RBPMS: variants seen among roughly 807,000 people sequenced by gnomAD.
RBPMS encodes RNA-binding protein with multiple splicing.
A neutral mutation model predicts 26.8 loss-of-function variants in RBPMS; 7 were observed. That is an observed-to-expected ratio of 0.26 (90% confidence interval 0.15 to 0.49). The LOEUF (loss-of-function observed/expected upper bound fraction) is 0.49. Among genes scored for constraint, RBPMS ranks in the 20% least tolerant of loss-of-function variants. The pLI is 0.98. For synonymous variants in RBPMS, 96 were observed against 93.3 expected (o/e 1.03, Z -0.17); for missense variants, 186 against 250.0 (o/e 0.74, Z 1.73).
At chr8:30,481,787 G>T (rs1008900163) in intron 4 of RBPMS, among the ~76,000 whole-genome samples, 3 of 152,182 alleles carry the variant, frequency 2.0e-5, no homozygotes, top group African/African-American at 7.2e-5. Context: ...GCTCCTGGCT[G>T]ATCTCTTTCT....
At chr8:30,556,196 C>A (rs1826892669) in intron 6 of RBPMS, 1 of 985,448 alleles carries the variant, frequency 1.0e-6, no homozygotes, top group African/African-American at 1.7e-5. Flanking sequence ...CCACCACATC[C>A]ACTCTGAGGA....
chr8:30,562,342 A>G (rs1563456179), intron 7 of RBPMS, among the ~76,000 whole-genome samples: 1 of 151,718 alleles, frequency 6.6e-6, no homozygotes, highest in East Asian at 1.9e-4. Flanking sequence ...AAAAAAAAAA[A>G]AAGAGTATGT....
rs1458962719 is a variant in RBPMS at position 30,544,644 on chromosome 8, C to G, written c.528+20C>G. Reference sequence around the variant, plus strand: ...GCCCAGGTAATTGATACCCATCGGCCAGGACTTCACTCACTTCACCACCAG... The same window carrying G: ...GCCCAGGTAATTGATACCCATCGGCGAGGACTTCACTCACTTCACCACCAG... On this transcript the variant is annotated intron_variant, in intron 6 of 8. Transcript: ENST00000397323. 1.2e-6 allele frequency: 2 copies of G among 1,613,274 alleles called. No homozygotes were observed. Among genetic ancestry groups the G allele is most frequent in the South Asian group, 2.2e-5 (2 of 91,078 alleles).
rs571973493 is a variant in RBPMS, at chr8:30,447,902, T to G, written c.67-26877T>G. Among the ~76,000 whole-genome samples, 280 of 152,324 alleles carry G rather than the reference T, an allele frequency of 1.8e-3. 2 individuals carry two copies. The highest frequency in any genetic ancestry group is 6.5e-3 in the African/African-American group (269 of 41,588). On this transcript the variant is annotated intron_variant, in intron 1 of 8. Coordinates refer to ENST00000397323, the MANE Select transcript of RBPMS (RefSeq NM_001008710.3). ...AACTGTCACATATCTCTTTTGTGAT[T>G]ACATTTTTTTGCTAGATGATGGATT...
At chr8:30,506,164 T>A (rs1821052528) in intron 5 of RBPMS, among the ~76,000 whole-genome samples, 1 of 152,030 alleles carries the variant, frequency 6.6e-6, no homozygotes, top group Non-Finnish European at 1.5e-5. Flanking sequence ...AACTGGACAT[T>A]CACAAGTCCC....
chr8:30,422,715 T>C (rs562110455), intron 1 of RBPMS, among the ~76,000 whole-genome samples: 1 of 152,324 alleles, frequency 6.6e-6, no homozygotes, highest in South Asian at 2.1e-4. Flanking sequence ...GTGTGGATTT[T>C]AGAAAACTTT....
chr8:30,513,587 C>CA (rs56184994), intron 5 of RBPMS, among the ~76,000 whole-genome samples: 11,037 of 107,396 alleles, frequency 0.1, 1,503 homozygotes, highest in Non-Finnish European at 0.14. Flanking sequence ...GACTCCATCT[C>CA]AAAAAAAAAA....
At chr8:30,512,991 C>A (rs933474569) in intron 5 of RBPMS, among the ~76,000 whole-genome samples, 3 of 151,698 alleles carry the variant, frequency 2.0e-5, no homozygotes, top group African/African-American at 7.3e-5. Flanking sequence ...AGAAAGGCAG[C>A]CTTCCCACCC....
chr8:30,486,294 C>T (rs1460080337), intron 4 of RBPMS, among the ~76,000 whole-genome samples: 1 of 151,708 alleles, frequency 6.6e-6, no homozygotes, highest in Non-Finnish European at 1.5e-5. Context: ...GAGCCAAGAT[C>T]GCACCACTGC....
At position 30,538,501 on chromosome 8, in the gene RBPMS, C is replaced by T. The variant is rs1314325978; in HGVS notation, c.398-5993C>T. Among the ~76,000 whole-genome samples the T allele has an allele frequency of 3.3e-5, 5 of 152,302 alleles. No homozygotes were observed. In the East Asian group the frequency reaches 7.7e-4, roughly 23 times the overall value. On this transcript the variant is annotated intron_variant, in intron 5 of 8. Coordinates refer to ENST00000397323, the MANE Select transcript of RBPMS (RefSeq NM_001008710.3). ...GAACTCCTGACCTCAAGTAATCCACCCGCTTCGGCCTCCCAAAGTGCTGGG... is the reference window on the plus strand; with the variant it reads ...GAACTCCTGACCTCAAGTAATCCACTCGCTTCGGCCTCCCAAAGTGCTGGG...
At chr8:30,427,724 T>C (rs1811510108) in intron 1 of RBPMS, among the ~76,000 whole-genome samples, 1 of 152,220 alleles carries the variant, frequency 6.6e-6, no homozygotes, top group Non-Finnish European at 1.5e-5. Flanking sequence ...AGGTGCTAGA[T>C]ATGTTTGCCA....
At chr8:30,545,026 TTCTG>T in intron 6 of RBPMS, 1 of 1,423,372 alleles carries the variant, frequency 7.0e-7, no homozygotes, top group Non-Finnish European at 9.2e-7. Context: ...CTGTGCGTGT[TTCTG>T]TGTGTTGAGA....
At chr8:30,388,016 T>G (rs1807314560) in intron 1 of RBPMS, among the ~76,000 whole-genome samples, 1 of 152,090 alleles carries the variant, frequency 6.6e-6, no homozygotes, top group African/African-American at 2.4e-5. Context: ...GAAAAATAAT[T>G]TAGGATTTGG....
At chr8:30,564,489 C>T (rs1827742293) in intron 7 of RBPMS, 1 of 152,280 alleles carries the variant, frequency 6.6e-6, no homozygotes. Flanking sequence ...CACTGTCAGT[C>T]CTGTGGACGT....
intron 1 of RBPMS, among the ~76,000 whole-genome samples, chr8:30,440,204 C>A (rs939635586): frequency 6.6e-6 from 1 of 152,168 alleles, no homozygotes; most frequent in Non-Finnish European, 1.5e-5. Context: ...GCTAGGATTA[C>A]GGGTGTGAGC....
rs1481965163 is a variant in RBPMS, at chr8:30,437,383, G to A, written c.67-37396G>A. Among the ~76,000 whole-genome samples, 3 of 151,944 alleles carry A rather than the reference G, an allele frequency of 2.0e-5. 1 individual carries two copies. In the South Asian group the frequency reaches 6.2e-4, roughly 32 times the overall value. ...AAAAACGATGTTATTGGCTGGGCGT[G>A]GTGGCTCATGCCTGTAATCCCAGCA... On this transcript the variant is annotated intron_variant, in intron 1 of 8. Transcript: ENST00000397323.
At chr8:30,501,953 A>G (rs1585679762) in intron 4 of RBPMS, among the ~76,000 whole-genome samples, 1 of 150,612 alleles carries the variant, frequency 6.6e-6, no homozygotes, top group South Asian at 2.1e-4. Context: ...TCTCCTCTTC[A>G]TCATCCCTTA....
chr8:30,501,449 T>TACAAGGA (rs1175736485), intron 4 of RBPMS, among the ~76,000 whole-genome samples: 198 of 152,244 alleles, frequency 1.3e-3, no homozygotes, highest in African/African-American at 4.4e-3. Context: ...ATATGTTGTT[T>TACAAGGA]CTCAGCAGTG....
At chr8:30,548,812 A>G (rs1461026823) in intron 6 of RBPMS, among the ~76,000 whole-genome samples, 1 of 152,216 alleles carries the variant, frequency 6.6e-6, no homozygotes. Flanking sequence ...GCAGGGTGGG[A>G]CTTCTGAAAA....
Sources: allele counts gnomAD v4.1 joint callset (sites outside exome capture counted in the v4.1 genomes callset), GRCh38; gene constraint gnomAD v4.1.1; transcripts MANE v1.5; gene names NCBI Gene and HGNC (gene_info 2026-07-23, HGNC 2026-07-21).